The following NHS variants were observed in gnomAD, a reference collection of about 807,000 sequenced individuals.
NHS encodes the protein actin remodeling regulator NHS.
NHS carries 5 observed loss-of-function variants against 72.5 expected under a neutral mutation model. That is an observed-to-expected ratio of 0.07 (90% CI 0.04 to 0.14). NHS has a LOEUF of 0.14. NHS is among the 10% of genes least tolerant of loss of function. The pLI is 1.00. For synonymous variants in NHS, 464 were observed against 547.7 expected, an observed-to-expected ratio of 0.85 and a Z score of 2.13; for missense variants, 1,072 against 1,355.7, an observed-to-expected ratio of 0.79 and a Z score of 3.29.
chrX:17,450,575 A>G (rs1474328029), intron 1 of NHS, among the ~76,000 whole-genome samples: 4 of 111,921 alleles, frequency 3.6e-5, no homozygotes, highest in Non-Finnish European at 7.5e-5. Flanking sequence ...TTCACTGTCT[A>G]AATAAAATTG....
chrX:17,426,469 T>G (rs2064657911), intron 1 of NHS, among the ~76,000 whole-genome samples: 1 of 111,904 alleles, frequency 8.9e-6, no homozygotes, highest in African/African-American at 3.2e-5. Flanking sequence ...GGGTAATGAG[T>G]CTGTTCCTTT....
chrX:17,430,075 TTTCCTTCCTTCCTTCC>T (rs749084714), intron 1 of NHS, among the ~76,000 whole-genome samples: 120 of 96,181 alleles, frequency 1.2e-3, no homozygotes, highest in Non-Finnish European at 1.2e-3. Flanking sequence ...TGCACATATT[TTTCCTTCCTTCCTTCC>T]TTCCTTCCTT....
At chrX:17,680,176 T>C (rs1052037311) in intron 1 of NHS, among the ~76,000 whole-genome samples, 2 of 112,279 alleles carry the variant, frequency 1.8e-5, no homozygotes, top group Non-Finnish European at 1.9e-5. Context: ...GTGTTTTTTT[T>C]CCCCTCCTAA....
chrX:17,587,566 G>C (rs1036314120), intron 1 of NHS, among the ~76,000 whole-genome samples: 33 of 112,271 alleles, frequency 2.9e-4, no homozygotes, highest in African/African-American at 9.4e-4. Flanking sequence ...ACGCAATTGT[G>C]CGAATAATGT....
At chrX:17,600,282 GAGAC>G (rs1490696873) in intron 1 of NHS, among the ~76,000 whole-genome samples, 1 of 99,741 alleles carries the variant, frequency 1.0e-5, no homozygotes, top group Non-Finnish European at 2.1e-5. Flanking sequence ...GAGACAGAGA[GAGAC>G]AGAGAGAGAG....
chrX:17,727,448 T>C lies in NHS; in HGVS notation c.3342T>C (p.Asn1114=), dbSNP rs1422968985. 1 of 1,211,854 alleles carries C rather than the reference T, an allele frequency of 8.3e-7. No individual in the cohort carries two copies. Residue 1114 remains asparagine, a synonymous_variant, in exon 7 of 9, where the codon AAT becomes AAC. Coordinates refer to ENST00000676302, the MANE Select transcript of NHS (RefSeq NM_001291867.2). ...ATCCACTGCATGTTTTTACTCATAATAAGCAGAACACAGTAGGAGAAACAC... is the reference window on the plus strand; with the variant it reads ...ATCCACTGCATGTTTTTACTCATAACAAGCAGAACACAGTAGGAGAAACAC... ...HRHPLHVFTH[N]KQNTVGETLR...
intron 1 of NHS, among the ~76,000 whole-genome samples, chrX:17,513,320 C>G (rs185888935): frequency 1.3e-4 from 15 of 111,981 alleles, no homozygotes; most frequent in African/African-American, 4.9e-4. Context: ...CTTCTTTAAT[C>G]TCAATACCTT....
At chrX:17,551,078 T>C (rs1218448415) in intron 1 of NHS, among the ~76,000 whole-genome samples, 1 of 111,871 alleles carries the variant, frequency 8.9e-6, no homozygotes, top group Non-Finnish European at 1.9e-5. Flanking sequence ...GACTGCTCTA[T>C]TAAAAATTGT....
At position 17,415,800 on chromosome X, in the gene NHS, GGGCTT is replaced by G. The variant is rs2064591042; in HGVS notation, c.565+39479_565+39483del. 2.7e-5 allele frequency among the ~76,000 whole-genome samples: 3 copies of G among 111,827 alleles called. No homozygotes were observed. The Admixed American group carries it at 2.9e-4, about 11-fold the overall frequency. On this transcript the variant is annotated intron_variant, in intron 1 of 8. Coordinates refer to ENST00000676302, the MANE Select transcript of NHS (RefSeq NM_001291867.2). ...GGATATTGTAATAATCGATGTTTCT[GGGCTT>G]AGAAACAGAGTCTTCATTCTTTTTT...
intron 1 of NHS, among the ~76,000 whole-genome samples, chrX:17,602,467 G>A (rs2065655365): frequency 9.0e-6 from 1 of 111,621 alleles, no homozygotes; most frequent in Non-Finnish European, 1.9e-5. Context: ...AGGGGAGATT[G>A]CTCAACTGGA....
intron 1 of NHS, among the ~76,000 whole-genome samples, chrX:17,499,283 G>A (rs1337212501): frequency 1.8e-5 from 2 of 110,914 alleles, no homozygotes; most frequent in Non-Finnish European, 3.8e-5. Flanking sequence ...AAGAATACTG[G>A]GGACTCAGGG....
At chrX:17,567,475 G>A (rs779915418) in intron 1 of NHS, among the ~76,000 whole-genome samples, 3 of 111,781 alleles carry the variant, frequency 2.7e-5, no homozygotes, top group Non-Finnish European at 3.8e-5. Context: ...GGGGTTATGC[G>A]CTGTCTCATC....
At position 17,453,880 on chromosome X, in the gene NHS, G is replaced by A. The variant is rs144435682; in HGVS notation, c.565+77558G>A. 5.2e-3 allele frequency among the ~76,000 whole-genome samples: 579 copies of A among 111,886 alleles called. 1 individual carries two copies. The highest frequency in any genetic ancestry group is 8.4e-3 in the Non-Finnish European group (448 of 53,151). On this transcript the variant is annotated intron_variant, in intron 1 of 8. Transcript: ENST00000676302. ...ATCTTACAGTGATCCTGGGGAGGATGATTCAGGTGATTTGTAGTCAAGAGA... is the reference window on the plus strand; with the variant it reads ...ATCTTACAGTGATCCTGGGGAGGATAATTCAGGTGATTTGTAGTCAAGAGA...
chrX:17,575,514 A>C (rs771703122), intron 1 of NHS, among the ~76,000 whole-genome samples: 22 of 112,176 alleles, frequency 2.0e-4, no homozygotes, highest in Admixed American at 1.7e-3. Flanking sequence ...TTACCTCCTC[A>C]TACTTGAGTA....
At chrX:17,545,969 AG>A (rs982887249) in intron 1 of NHS, among the ~76,000 whole-genome samples, 1 of 112,451 alleles carries the variant, frequency 8.9e-6, no homozygotes, top group Non-Finnish European at 1.9e-5. Context: ...AAAGTGTAGC[AG>A]AGATGGGAAC....
chrX:17,670,717 G>A (rs2066039428), intron 1 of NHS, among the ~76,000 whole-genome samples: 1 of 112,326 alleles, frequency 8.9e-6, no homozygotes, highest in African/African-American at 3.2e-5. Flanking sequence ...TGTGGTTTGG[G>A]CCATTGCTTG....
intron 1 of NHS, among the ~76,000 whole-genome samples, chrX:17,479,407 G>A: frequency 8.9e-6 from 1 of 112,112 alleles, no homozygotes; most frequent in East Asian, 2.8e-4. Context: ...ATAATCCTTT[G>A]GGCATATAAC....
intron 1 of NHS, among the ~76,000 whole-genome samples, chrX:17,406,046 A>G (rs915846692): frequency 3.6e-5 from 4 of 112,250 alleles, no homozygotes; most frequent in Non-Finnish European, 7.5e-5. Context: ...ATTTGCCTCC[A>G]AAGACAACTT....
At chrX:17,674,559 A>C (rs993071805) in intron 1 of NHS, among the ~76,000 whole-genome samples, 2 of 111,965 alleles carry the variant, frequency 1.8e-5, no homozygotes, top group African/African-American at 6.5e-5. Context: ...TGTGTGGTCT[A>C]CTCACCAACT....
Sources: allele counts gnomAD v4.1 joint callset (sites outside exome capture counted in the v4.1 genomes callset), GRCh38; gene constraint gnomAD v4.1.1; transcripts MANE v1.5; gene names NCBI Gene and HGNC (gene_info 2026-07-23, HGNC 2026-07-21).